Variants in PCDH15 observed in about 807,000 individuals in gnomAD.
The protein encoded by PCDH15 is protocadherin-15.
In PCDH15, 129 loss-of-function variants were observed where a neutral mutation model predicts 178.5. The ratio of observed to expected loss-of-function variants is 0.72; its 90% confidence interval spans 0.63 to 0.84. The LOEUF (loss-of-function observed/expected upper bound fraction) is 0.84. Ranked by LOEUF, PCDH15 falls within the 40% of genes least tolerant of loss-of-function variation. The probability of loss-of-function intolerance (pLI) is 0.00; values close to 1 mark genes in which losing one functional copy is unlikely to be tolerated. For missense variants in PCDH15, 2,230 were observed against 2,099.9 expected (o/e 1.06, Z -1.21); for synonymous variants, 800 against 732.0 (o/e 1.09, Z -1.50).
At chr10:55,224,708 A>C (rs1180755627) in intron 1 of PCDH15, among the ~76,000 whole-genome samples, 2 of 152,070 alleles carry the variant, frequency 1.3e-5, no homozygotes, top group African/African-American at 2.4e-5. Flanking sequence ...TCTTTTGCTT[A>C]ATCTTCCACT....
chr10:55,041,126 A>G (rs1007866018), intron 2 of PCDH15, among the ~76,000 whole-genome samples: 3 of 152,114 alleles, frequency 2.0e-5, no homozygotes, highest in African/African-American at 7.2e-5. Flanking sequence ...CCCTAACCCC[A>G]TGTCTATCAT....
At chr10:55,593,274 C>T (rs1046533954) in intron 2 of PCDH15, among the ~76,000 whole-genome samples, 21 of 151,798 alleles carry the variant, frequency 1.4e-4, no homozygotes, top group African/African-American at 3.6e-4. Context: ...CTTCCGAAAA[C>T]GAAAATGTTG....
chr10:55,324,887 A>G (rs1843990981), intron 2 of PCDH15, among the ~76,000 whole-genome samples: 1 of 152,158 alleles, frequency 6.6e-6, no homozygotes, highest in Non-Finnish European at 1.5e-5. Context: ...AGGACACAAA[A>G]TTAATGTGCA....
At chr10:55,030,564 C>A (rs2204867) in intron 2 of PCDH15, among the ~76,000 whole-genome samples, 86,432 of 151,972 alleles carry the variant, frequency 0.57, 24,919 homozygotes, top group East Asian at 0.75. Flanking sequence ...ACAACAAAAT[C>A]TTTTTGGAAA....
chr10:55,613,017 ATTTT>A (rs34403286), intron 2 of PCDH15, among the ~76,000 whole-genome samples: 3 of 82,388 alleles, frequency 3.6e-5, no homozygotes. Context: ...TACTAGCCAG[ATTTT>A]TTTTTTTTTT....
At chr10:54,521,693 G>A (rs1255368915) in intron 3 of PCDH15, among the ~76,000 whole-genome samples, 1 of 152,100 alleles carries the variant, frequency 6.6e-6, no homozygotes, top group African/African-American at 2.4e-5. Flanking sequence ...TGGTATGACT[G>A]TAATAATCCT....
intron 9 of PCDH15, among the ~76,000 whole-genome samples, chr10:54,223,141 G>A (rs1421618968): frequency 3.3e-5 from 5 of 151,734 alleles, no homozygotes; most frequent in African/African-American, 1.2e-4. Context: ...GAGAAACCCC[G>A]TCTCTACTAA....
chr10:54,419,118 C>T (rs1410650832), intron 3 of PCDH15, among the ~76,000 whole-genome samples: 1 of 147,468 alleles, frequency 6.8e-6, no homozygotes, highest in African/African-American at 2.6e-5. Context: ...GAAGCGCTTT[C>T]TCATACACTT....
intron 2 of PCDH15, among the ~76,000 whole-genome samples, chr10:55,572,846 T>C (rs989839255): frequency 2.6e-5 from 4 of 151,982 alleles, no homozygotes; most frequent in Non-Finnish European, 4.4e-5. Flanking sequence ...AAGGTCTAAC[T>C]TGATGTGGTT....
At chr10:54,945,773 G>A (rs951775192) in intron 2 of PCDH15, among the ~76,000 whole-genome samples, 1 of 150,222 alleles carries the variant, frequency 6.7e-6, no homozygotes, top group Middle Eastern at 3.4e-3. Flanking sequence ...TCCAGGGGCT[G>A]CATTACGTTC....
chr10:54,183,820 A>T (rs1277889303), intron 12 of PCDH15, among the ~76,000 whole-genome samples: 3 of 152,094 alleles, frequency 2.0e-5, no homozygotes, highest in African/African-American at 7.2e-5. Flanking sequence ...AAGGTATTCA[A>T]CTCCAGGCAT....
chr10:55,174,636 C>T (rs1401445447), intron 1 of PCDH15, among the ~76,000 whole-genome samples: 2 of 152,190 alleles, frequency 1.3e-5, no homozygotes, highest in East Asian at 3.9e-4. Context: ...CTGCAAACGG[C>T]AATCTCAAGG....
chr10:54,230,070 G>A (rs1037115811), intron 9 of PCDH15, among the ~76,000 whole-genome samples: 18 of 152,162 alleles, frequency 1.2e-4, no homozygotes, highest in Non-Finnish European at 2.9e-5. Flanking sequence ...GCCTTCAGAA[G>A]TTTGATAGCT....
At chr10:54,054,410 A>G (rs1380992945) in intron 18 of PCDH15, among the ~76,000 whole-genome samples, 1 of 152,140 alleles carries the variant, frequency 6.6e-6, no homozygotes, top group Non-Finnish European at 1.5e-5. Flanking sequence ...ATCTTAAGAA[A>G]AAAGAGAGAC....
intron 25 of PCDH15, among the ~76,000 whole-genome samples, chr10:53,911,526 A>G (rs1400406933): frequency 7.9e-5 from 12 of 152,190 alleles, no homozygotes; most frequent in Non-Finnish European, 1.5e-4. Flanking sequence ...TAAAATTGAC[A>G]CCCTAACATC....
chr10:54,274,421 AT>A (rs1484185334), intron 8 of PCDH15, among the ~76,000 whole-genome samples: 1 of 151,928 alleles, frequency 6.6e-6, no homozygotes, highest in Non-Finnish European at 1.5e-5. Context: ...TAATTTATAT[AT>A]TTTTAGTGTA....
intron 3 of PCDH15, among the ~76,000 whole-genome samples, chr10:54,498,725 C>T (rs950644153): frequency 3.3e-5 from 5 of 152,066 alleles, no homozygotes; most frequent in African/African-American, 1.2e-4. Context: ...AGATTCAATT[C>T]AGCAAGAAGA....
chr10:55,185,399 A>C (rs553543145), intron 1 of PCDH15, among the ~76,000 whole-genome samples: 1 of 151,860 alleles, frequency 6.6e-6, no homozygotes, highest in African/African-American at 2.4e-5. Flanking sequence ...ATTTGCTTAA[A>C]TTTTGTATTA....
intron 8 of PCDH15, among the ~76,000 whole-genome samples, chr10:54,290,845 A>T (rs940129882): frequency 8.5e-5 from 13 of 152,238 alleles, no homozygotes; most frequent in African/African-American, 2.9e-4. Flanking sequence ...AAGAAGAGCT[A>T]ACTATCCTAA....
Sources: allele counts gnomAD v4.1 joint callset (sites outside exome capture counted in the v4.1 genomes callset), GRCh38; gene constraint gnomAD v4.1.1; transcripts MANE v1.5; gene names NCBI Gene and HGNC (gene_info 2026-07-23, HGNC 2026-07-21).